FMNL2: variants seen among roughly 807,000 people sequenced by gnomAD.
FMNL2 encodes the protein formin-like protein 2.
Under a neutral mutation model 130.2 loss-of-function variants are expected in FMNL2, and 51 were observed. The observed-to-expected ratio is 0.39, with a 90% CI of 0.31 to 0.49. The LOEUF (loss-of-function observed/expected upper bound fraction) is 0.49. FMNL2 is among the 20% of genes least tolerant of loss of function. The pLI, the probability that FMNL2 is intolerant of heterozygous loss-of-function variation, is 0.85. For synonymous variants in FMNL2, 465 were observed against 467.1 expected, an observed-to-expected ratio of 1.00 and a Z score of 0.06; for missense variants, 977 against 1,316.2, an observed-to-expected ratio of 0.74 and a Z score of 3.99.
At chr2:152,508,878 T>C (rs1411344172) in intron 1 of FMNL2, among the ~76,000 whole-genome samples, 5 of 152,164 alleles carry the variant, frequency 3.3e-5, no homozygotes, top group African/African-American at 1.2e-4. Context: ...GCATGCATGC[T>C]TGCTTTTTCC....
intron 9 of FMNL2, among the ~76,000 whole-genome samples, chr2:152,601,101 T>C (rs971675426): frequency 2.0e-5 from 3 of 152,134 alleles, no homozygotes; most frequent in Non-Finnish European, 4.4e-5. Flanking sequence ...AGCAATCTTA[T>C]CAGACAACTA....
intron 11 of FMNL2, 32 bp downstream of exon 11, chr2:152,611,637 T>G (rs1178189554): frequency 7.2e-7 from 1 of 1,397,206 alleles, no homozygotes; most frequent in Non-Finnish European, 1.0e-6. Flanking sequence ...GGCTCCAATA[T>G]AAGAATTGAC....
intron 1 of FMNL2, among the ~76,000 whole-genome samples, chr2:152,375,877 C>CTCTCTATATATATATATATATATATA (rs796954245): frequency 3.6e-5 from 4 of 112,480 alleles, no homozygotes; most frequent in African/African-American, 3.5e-5. Context: ...CTCTCTCTCT[C>CTCTCTATATATATATATATATATATA]TATATATATA....
At chr2:152,598,468 C>G (rs1349165336) in intron 9 of FMNL2, among the ~76,000 whole-genome samples, 1 of 152,100 alleles carries the variant, frequency 6.6e-6, no homozygotes, top group African/African-American at 2.4e-5. Flanking sequence ...GTGGGTGGAT[C>G]ACTTGAGGCC....
At chr2:152,527,368 C>T (rs1390796118) in intron 2 of FMNL2, among the ~76,000 whole-genome samples, 2 of 152,168 alleles carry the variant, frequency 1.3e-5, no homozygotes, top group African/African-American at 2.4e-5. Flanking sequence ...ACCATATATA[C>T]GTCCAGTTAC....
Position 152,636,421 on chromosome 2 carries a change from C to T in FMNL2, c.2681-6C>T, listed in dbSNP as rs1344376407. The T allele has an allele frequency of 1.2e-6, 2 of 1,608,622 alleles. No individual in the cohort carries two copies. The highest frequency in any genetic ancestry group is 1.7e-6 in the Non-Finnish European group (2 of 1,177,184). ...GTTTCACTGGGATGTTCTTTCTCTG[C>T]TTTAGTCTCCCTTGAGAATGTTTTG... On this transcript the variant is annotated splice_region_variant and splice_polypyrimidine_tract_variant and intron_variant, in intron 21 of 25. Transcript: ENST00000288670.
At chr2:152,554,991 A>G (rs1024012813) in intron 4 of FMNL2, among the ~76,000 whole-genome samples, 9 of 152,222 alleles carry the variant, frequency 5.9e-5, no homozygotes, top group African/African-American at 1.9e-4. Context: ...AAGCTTTAAT[A>G]AAATCAATAT....
chr2:152,389,268 T>C (rs890569142), intron 1 of FMNL2, among the ~76,000 whole-genome samples: 1 of 152,150 alleles, frequency 6.6e-6, no homozygotes, highest in Non-Finnish European at 1.5e-5. Context: ...ATCAGCAAAT[T>C]TGAGGGGAGG....
At chr2:152,478,242 A>ATTTTT (rs1322079596) in intron 1 of FMNL2, among the ~76,000 whole-genome samples, 1 of 33,684 alleles carries the variant, frequency 3.0e-5, no homozygotes, top group African/African-American at 7.3e-5. Flanking sequence ...ATATATATAT[A>ATTTTT]TATATATATT....
At chr2:152,394,859 A>T (rs1032897965) in intron 1 of FMNL2, among the ~76,000 whole-genome samples, 1 of 152,156 alleles carries the variant, frequency 6.6e-6, no homozygotes, top group Non-Finnish European at 1.5e-5. Context: ...GAGTGACCTA[A>T]AATGTAATTT....
chr2:152,358,248 A>G (rs115072172), intron 1 of FMNL2, among the ~76,000 whole-genome samples: 1,731 of 152,244 alleles, frequency 0.011, 40 homozygotes, highest in African/African-American at 0.039. Flanking sequence ...TGAGGCCTGC[A>G]CTATCAGCTT....
intron 3 of FMNL2, among the ~76,000 whole-genome samples, chr2:152,545,885 TC>T (rs1694605515): frequency 2.0e-5 from 3 of 152,320 alleles, no homozygotes; most frequent in Middle Eastern, 6.8e-3. Flanking sequence ...ATTGAGCCGT[TC>T]CTTAGATAAT....
chr2:152,464,196 G>A lies in FMNL2; in HGVS notation c.118-57747G>A, dbSNP rs543468573. On this transcript the variant is annotated intron_variant, in intron 1 of 25. Coordinates refer to ENST00000288670, the MANE Select transcript of FMNL2 (RefSeq NM_052905.4). Reference sequence around the variant, plus strand: ...TGACCTCAGGTGATCCGCCGACCTTGGCCTCCCAAAGTGCTGGGATTACAG... The same window carrying A: ...TGACCTCAGGTGATCCGCCGACCTTAGCCTCCCAAAGTGCTGGGATTACAG... Among the ~76,000 whole-genome samples the A allele has an allele frequency of 3.9e-5, 6 of 152,216 alleles. No individual in the cohort carries two copies. The East Asian group carries it at 1.2e-3, about 29-fold the overall frequency.
chr2:152,378,217 G>A (rs1482196995), intron 1 of FMNL2, among the ~76,000 whole-genome samples: 1 of 151,922 alleles, frequency 6.6e-6, no homozygotes, highest in Non-Finnish European at 1.5e-5. Flanking sequence ...GGACTGCCTT[G>A]CTTTGAGGTG....
In FMNL2 at chr2:152,491,043, G is replaced by A. The variant is rs187311475; in HGVS notation, c.118-30900G>A. Among the ~76,000 whole-genome samples, 606 of 152,220 alleles carry A rather than the reference G, an allele frequency of 4.0e-3. 1 individual carries two copies. Among genetic ancestry groups the A allele is most frequent in the Non-Finnish European group, 5.3e-3 (363 of 68,020 alleles). On this transcript the variant is annotated intron_variant, in intron 1 of 25. Coordinates refer to ENST00000288670, the MANE Select transcript of FMNL2 (RefSeq NM_052905.4). Reference sequence around the variant, plus strand: ...CTTTGCTCCATTGTGCTGTTGGTGGGGACACAGCCCAGGTGGTTGGGTGAT... The same window carrying A: ...CTTTGCTCCATTGTGCTGTTGGTGGAGACACAGCCCAGGTGGTTGGGTGAT...
intron 23 of FMNL2, among the ~76,000 whole-genome samples, chr2:152,639,296 TG>T (rs1306527290): frequency 1.3e-5 from 2 of 152,232 alleles, no homozygotes; most frequent in African/African-American, 2.4e-5. Flanking sequence ...GAGGATGTGG[TG>T]TCTGTGACCT....
At chr2:152,495,175 A>C (rs112355617) in intron 1 of FMNL2, among the ~76,000 whole-genome samples, 2 of 152,286 alleles carry the variant, frequency 1.3e-5, no homozygotes, top group African/African-American at 4.8e-5. Context: ...TTAGGAAAAA[A>C]ATTTACTGGA....
At chr2:152,375,161 A>G (rs1684084888) in intron 1 of FMNL2, among the ~76,000 whole-genome samples, 1 of 152,238 alleles carries the variant, frequency 6.6e-6, no homozygotes, top group African/African-American at 2.4e-5. Flanking sequence ...ACCTAAGAAT[A>G]CTACTACCTT....
chr2:152,407,039 T>C (rs540540109), intron 1 of FMNL2, among the ~76,000 whole-genome samples: 1 of 152,176 alleles, frequency 6.6e-6, no homozygotes, highest in South Asian at 2.1e-4. Context: ...CAGGAAAATA[T>C]TATTTTCCAT....
Sources: allele counts gnomAD v4.1 joint callset (sites outside exome capture counted in the v4.1 genomes callset), GRCh38; gene constraint gnomAD v4.1.1; transcripts MANE v1.5; gene names NCBI Gene and HGNC (gene_info 2026-07-23, HGNC 2026-07-21).